Variants in VTCN1 observed in about 807,000 individuals in gnomAD.
The protein encoded by VTCN1 is V-set domain-containing T-cell activation inhibitor 1.
In VTCN1, 26 loss-of-function variants were observed where a neutral mutation model predicts 26.5. The ratio of observed to expected loss-of-function variants is 0.98; its 90% CI spans 0.72 to 1.36. The LOEUF is 1.36. VTCN1 is among the 40% of genes most tolerant of loss of function. VTCN1 has a pLI of 0.00. For synonymous variants in VTCN1, 116 were observed against 130.7 expected (o/e 0.89, Z 0.77); for missense variants, 298 against 337.7 (o/e 0.88, Z 0.92).
intron 1 of VTCN1, among the ~76,000 whole-genome samples, chr1:117,199,608 GGGCCACTGTGCCC>G (rs1468627093): frequency 1.3e-5 from 2 of 151,922 alleles, no homozygotes; most frequent in Non-Finnish European, 2.9e-5. Context: ...TTACAGGCGT[GGGCCACTGTGCCC>G]GGCCACAAGG....
chr1:117,188,389 T>C (rs1648070358), intron 1 of VTCN1, among the ~76,000 whole-genome samples: 1 of 152,146 alleles, frequency 6.6e-6, no homozygotes, highest in Non-Finnish European at 1.5e-5. Flanking sequence ...GAGAGGGAAC[T>C]GAGCAGTGAG....
chr1:117,165,162 G>A (rs1394453081), intron 2 of VTCN1, among the ~76,000 whole-genome samples: 1 of 152,190 alleles, frequency 6.6e-6, no homozygotes, highest in Non-Finnish European at 1.5e-5. Context: ...GTAGGTTCGG[G>A]AAACAAATTC....
chr1:117,161,234 G>A lies in VTCN1; in HGVS notation c.98-4313C>T, dbSNP rs1355071892. ...TTGTTACTTAGAGAATGATATCCAA[G>A]GCATCCCAGGCTAGCATGGGTTACA... On this transcript the variant is annotated intron_variant, in intron 2 of 5. Transcript: ENST00000369458. The surrounding 1 kb of genome is among the most constrained non-coding windows in gnomAD (Gnocchi z 4.3). 6.6e-6 allele frequency among the ~76,000 whole-genome samples: 1 copy of A among 152,160 alleles called. No homozygotes were observed. Among genetic ancestry groups the A allele is most frequent in the Non-Finnish European group, 1.5e-5 (1 of 68,022 alleles).
Position 117,184,621 on chromosome 1 carries a change from G to A in VTCN1, c.33-14450C>T, listed in dbSNP as rs1288768639. ...ACTTACAGCATATTTCTGAGCTTCA[G>A]GGAAGAATATTTAAAGTCCAGGGAG... is the stretch of plus-strand genomic sequence containing the variant. On this transcript the variant is annotated intron_variant, in intron 1 of 5. Transcript: ENST00000369458. Among the ~76,000 whole-genome samples the A allele has an allele frequency of 2.0e-5, 3 of 152,238 alleles. 1 individual carries two copies. The highest frequency in any genetic ancestry group is 6.8e-3 in the Middle Eastern group (2 of 294).
intron 2 of VTCN1, among the ~76,000 whole-genome samples, chr1:117,157,503 G>A (rs963837200): frequency 5.3e-5 from 8 of 152,118 alleles, no homozygotes; most frequent in African/African-American, 9.7e-5. Flanking sequence ...AAACCCACCA[G>A]ATCTCATTAG....
At chr1:117,162,839 G>T (rs1484641128) in intron 2 of VTCN1, among the ~76,000 whole-genome samples, 2 of 152,186 alleles carry the variant, frequency 1.3e-5, no homozygotes, top group African/African-American at 2.4e-5. Context: ...TGGGGGTATA[G>T]GTAACACAAG....
At chr1:117,201,214 G>A (rs374355564) in intron 1 of VTCN1, among the ~76,000 whole-genome samples, 1 of 152,154 alleles carries the variant, frequency 6.6e-6, no homozygotes, top group Non-Finnish European at 1.5e-5. Context: ...CTGTGTCCAC[G>A]GGAAAATGTC....
chr1:117,209,641 G>A (rs1000080068), intron 1 of VTCN1, among the ~76,000 whole-genome samples: 12 of 152,148 alleles, frequency 7.9e-5, no homozygotes, highest in African/African-American at 2.9e-4. Flanking sequence ...AGGGCAGAAG[G>A]GTCTAGAGGG....
Position 117,147,847 on chromosome 1 carries a change from G to C in VTCN1, c.725-65C>G. The C allele has an allele frequency of 1.3e-6, 2 of 1,551,180 alleles. No individual in the cohort carries two copies. The highest frequency in any genetic ancestry group is 1.7e-6 in the Non-Finnish European group (2 of 1,153,462). ...AGCTGGATGTCTTCTTCACATGACTGGTTAGCAAAGAAAAGTACCTGAAAA... is the reference window on the plus strand; with the variant it reads ...AGCTGGATGTCTTCTTCACATGACTCGTTAGCAAAGAAAAGTACCTGAAAA... On this transcript the variant is annotated intron_variant, in intron 4 of 5. Coordinates refer to ENST00000369458, the MANE Select transcript of VTCN1 (RefSeq NM_024626.4). This position sits in a 1 kb window ranked among gnomAD's most constrained non-coding sequence, Gnocchi z 4.6.
At chr1:117,192,171 A>G (rs934274488) in intron 1 of VTCN1, among the ~76,000 whole-genome samples, 1 of 152,184 alleles carries the variant, frequency 6.6e-6, no homozygotes, top group Admixed American at 6.5e-5. Flanking sequence ...TGTCACATAT[A>G]AGGGAAACTT....
chr1:117,165,454 C>T lies in VTCN1; in HGVS notation c.97+4653G>A, dbSNP rs144702761. Among the ~76,000 whole-genome samples the T allele has an allele frequency of 2.9e-3, 445 of 152,230 alleles. 8 individuals carry two copies. Among genetic ancestry groups the T allele is most frequent in the Admixed American group, 0.026 (398 of 15,288 alleles). On this transcript the variant is annotated intron_variant, in intron 2 of 5. Coordinates refer to ENST00000369458, the MANE Select transcript of VTCN1 (RefSeq NM_024626.4). ...GGTGCCTGGTGGGAGGTGTGTGGGT[C>T]ATTGGGGCAGATCCCTTATAAATGG...
At chr1:117,195,706 T>A (rs1648474227) in intron 1 of VTCN1, among the ~76,000 whole-genome samples, 1 of 152,118 alleles carries the variant, frequency 6.6e-6, no homozygotes, top group South Asian at 2.1e-4. Flanking sequence ...GTACCAACTT[T>A]AGTGTGGGGA....
chr1:117,205,146 A>T (rs1170403426), intron 1 of VTCN1, among the ~76,000 whole-genome samples: 4 of 100,072 alleles, frequency 4.0e-5, no homozygotes, highest in African/African-American at 1.2e-4. Flanking sequence ...ATATATTTTT[A>T]TATATATATA....
chr1:117,191,379 C>T (rs867203446), intron 1 of VTCN1, among the ~76,000 whole-genome samples: 7 of 152,288 alleles, frequency 4.6e-5, no homozygotes, highest in South Asian at 2.1e-4. Context: ...ATAGGCCAGG[C>T]GTGGTGGCCT....
chr1:117,179,118 A>G (rs1320200844), intron 1 of VTCN1, among the ~76,000 whole-genome samples: 1 of 152,166 alleles, frequency 6.6e-6, no homozygotes, highest in African/African-American at 2.4e-5. Context: ...GCATACTTAG[A>G]ACAGGGTTTC....
intron 1 of VTCN1, among the ~76,000 whole-genome samples, chr1:117,204,141 G>T (rs1159015161): frequency 1.3e-5 from 2 of 152,156 alleles, no homozygotes; most frequent in Non-Finnish European, 2.9e-5. Context: ...CTCCCTCCCT[G>T]CAAGTCTCTG....
rs946145127 is a variant in VTCN1, at chr1:117,147,275, A to G, written c.*45+338T>C. On this transcript the variant is annotated intron_variant, in intron 5 of 5. Coordinates refer to ENST00000369458, the MANE Select transcript of VTCN1 (RefSeq NM_024626.4). The surrounding 1 kb of genome is among the most constrained non-coding windows in gnomAD (Gnocchi z 4.6). ...ATGTGAATGATGATATGCTTTATAA[A>G]TAACAGTGGAATCCAGGGTAATTAC... 6.6e-6 allele frequency among the ~76,000 whole-genome samples: 1 copy of G among 152,220 alleles called. No homozygotes were observed. The highest frequency in any genetic ancestry group is 1.5e-5 in the Non-Finnish European group (1 of 68,036).
chr1:117,178,259 CTT>C (rs1194911017), intron 1 of VTCN1, among the ~76,000 whole-genome samples: 4 of 108,342 alleles, frequency 3.7e-5, no homozygotes, highest in Non-Finnish European at 3.9e-5. Flanking sequence ...TCTTTTTTTT[CTT>C]TTTTTTTTTT....
At chr1:117,165,385 A>C (rs1051317730) in intron 2 of VTCN1, among the ~76,000 whole-genome samples, 5 of 152,198 alleles carry the variant, frequency 3.3e-5, no homozygotes, top group African/African-American at 1.2e-4. Flanking sequence ...CTTCACCCAA[A>C]TCTCATGTTG....
Sources: gnomAD v4.1 joint callset for allele counts (sites outside exome capture counted in the v4.1 genomes callset) on GRCh38, gnomAD v4.1.1 for gene constraint, Gnocchi (gnomAD v3.1) non-coding constraint, MANE v1.5 for transcripts, NCBI Gene and HGNC (gene_info 2026-07-23, HGNC 2026-07-21) for gene names.